FNDC1: variants seen among roughly 807,000 people sequenced by gnomAD.
FNDC1 encodes fibronectin type III domain-containing protein 1.
FNDC1 carries 96 observed loss-of-function variants against 168.0 expected under a neutral mutation model. That is an observed-to-expected ratio of 0.57 (90% CI 0.48 to 0.68). The LOEUF (loss-of-function observed/expected upper bound fraction) is 0.68. Among genes scored for constraint, FNDC1 ranks in the 30% least tolerant of loss-of-function variants. FNDC1 has a pLI of 0.00. For missense variants in FNDC1, 2,587 were observed against 2,482.1 expected, an observed-to-expected ratio of 1.04 and a Z score of -0.90; for synonymous variants, 1,099 against 1,025.9, an observed-to-expected ratio of 1.07 and a Z score of -1.36.
chr6:159,219,290 C>T (rs1782771767), intron 5 of FNDC1, among the ~76,000 whole-genome samples: 1 of 152,240 alleles, frequency 6.6e-6, no homozygotes, highest in South Asian at 2.1e-4. Context: ...ATCAACCCAC[C>T]TTGGCCTCCC....
In FNDC1 at chr6:159,233,022, T is replaced by C. The variant is rs1371486681; in HGVS notation, c.2510T>C (p.Ile837Thr). 4.3e-6 allele frequency: 7 copies of C among 1,612,654 alleles called. No homozygotes were observed. Among genetic ancestry groups the C allele is most frequent in the Non-Finnish European group, 5.1e-6 (6 of 1,179,520 alleles). Residue 837 changes from isoleucine (I) to threonine (T), a missense_variant, in exon 11 of 23, where the codon ATT becomes ACT. Transcript: ENST00000297267. The surrounding 1 kb of genome is among the most constrained non-coding windows in gnomAD (Gnocchi z 4.6). Reference protein sequence around the residue: ...ANGRSPSRFSIGRGPRLQPSS... With the variant: ...ANGRSPSRFSTGRGPRLQPSS... ...GGGAGGTCTCCAAGCAGGTTCAGCA[T>C]TGGGCGGGGACCTCGGCTGCAGCCC...
At chr6:159,176,192 A>T (rs187082405) in intron 1 of FNDC1, among the ~76,000 whole-genome samples, 2 of 152,308 alleles carry the variant, frequency 1.3e-5, no homozygotes, top group East Asian at 3.9e-4. Context: ...CTCATCAGCA[A>T]AGCAAGGGGA....
At position 159,225,199 on chromosome 6, in the gene FNDC1, AGT is replaced by A. The variant is rs1442336332; in HGVS notation, c.885-335_885-334del. Among the ~76,000 whole-genome samples, 6 of 108,416 alleles carry A rather than the reference AGT, an allele frequency of 5.5e-5. No individual in the cohort carries two copies. In the East Asian group the frequency reaches 2.1e-3, roughly 37 times the overall value. The allele number at this position is 108,416 out of a possible 152,430, so 71.1% of individuals were successfully genotyped here. A position where few individuals can be genotyped will look rare whatever the true frequency, so the allele number is the denominator to read the frequency against. On this transcript the variant is annotated intron_variant, in intron 7 of 22. Transcript: ENST00000297267. ...TACAGACACACACACACACACGCAC[AGT>A]CACACACACACAAACACATATCCCT...
chr6:159,228,610 G>A (rs757153437), intron 9 of FNDC1, among the ~76,000 whole-genome samples: 1 of 151,908 alleles, frequency 6.6e-6, no homozygotes, highest in East Asian at 1.9e-4. Flanking sequence ...GATCATCCAT[G>A]CTCCTGATAA....
intron 8 of FNDC1, among the ~76,000 whole-genome samples, chr6:159,226,059 G>T (rs1782950269): frequency 6.6e-6 from 1 of 152,190 alleles, no homozygotes; most frequent in South Asian, 2.1e-4. Context: ...TTGCATGTAG[G>T]AGAGCCTCTG....
chr6:159,232,749 A>T lies in FNDC1; in HGVS notation c.2237A>T (p.Asp746Val), dbSNP rs761377720. ...TCTCCACTTTCCAAGGGCGGGAAGG[A>T]TGGTGAGGACGCCCCAGCCACCAAC... ...LSSPLSKGGK[D>V]GEDAPATNSN... The change falls in exon 11 of 23, where the codon GAT (aspartate) becomes GTT (valine). Residue 746 changes from aspartate to valine, a missense_variant. Transcript: ENST00000297267. This position sits in a 1 kb window ranked among gnomAD's most constrained non-coding sequence, Gnocchi z 4.9. 6.2e-7 allele frequency: 1 copy of T among 1,613,688 alleles called. No homozygotes were observed. Among genetic ancestry groups the T allele is most frequent in the African/African-American group, 1.3e-5 (1 of 74,882 alleles).
intron 5 of FNDC1, among the ~76,000 whole-genome samples, chr6:159,219,710 GCAAAT>G (rs1435935825): frequency 6.6e-6 from 1 of 152,048 alleles, no homozygotes; most frequent in Non-Finnish European, 1.5e-5. Context: ...CAAGAGTGCA[GCAAAT>G]CAAGAAATCT....
At chr6:159,170,351 G>A (rs1197123232) in intron 1 of FNDC1, among the ~76,000 whole-genome samples, 1 of 152,224 alleles carries the variant, frequency 6.6e-6, no homozygotes, top group East Asian at 1.9e-4. Flanking sequence ...GCTGATTCCA[G>A]AGAAACTCGC....
chr6:159,184,858 GA>G (rs958819938), intron 1 of FNDC1, among the ~76,000 whole-genome samples: 1 of 152,058 alleles, frequency 6.6e-6, no homozygotes, highest in South Asian at 2.1e-4. Context: ...AAGAATGTGC[GA>G]AAAAATTCCA....
intron 11 of FNDC1, among the ~76,000 whole-genome samples, chr6:159,234,777 A>G (rs1333186481): frequency 1.3e-5 from 2 of 152,166 alleles, no homozygotes; most frequent in African/African-American, 4.8e-5. Context: ...ACTAACCCAC[A>G]TTGCCTCTAA....
At chr6:159,268,683 T>G (rs1777641193) in intron 22 of FNDC1, among the ~76,000 whole-genome samples, 1 of 150,720 alleles carries the variant, frequency 6.6e-6, no homozygotes, top group East Asian at 2.0e-4. Context: ...TCTATCCATC[T>G]ATCTATCCAT....
chr6:159,222,488 T>G (rs138875329), intron 6 of FNDC1, among the ~76,000 whole-genome samples: 186 of 152,188 alleles, frequency 1.2e-3, no homozygotes, highest in African/African-American at 4.2e-3. Context: ...ACACGGTCCC[T>G]GAAAAGTGAA....
intron 15 of FNDC1, among the ~76,000 whole-genome samples, chr6:159,247,480 G>T (rs934257368): frequency 3.9e-5 from 6 of 152,274 alleles, no homozygotes; most frequent in East Asian, 1.9e-4. Context: ...CGGCCGCAGT[G>T]GCTCAAGCCT....
At chr6:159,247,173 A>G (rs1442521683) in intron 15 of FNDC1, among the ~76,000 whole-genome samples, 1 of 152,174 alleles carries the variant, frequency 6.6e-6, no homozygotes, top group African/African-American at 2.4e-5. Flanking sequence ...TAAGAAAAAC[A>G]GTGTGCTTAA....
chr6:159,208,856 T>C lies in FNDC1; in HGVS notation c.461-6089T>C, dbSNP rs575134325. On this transcript the variant is annotated intron_variant, in intron 4 of 22. Transcript: ENST00000297267. ...AATGTTATTTTTAATTTTTTTTTTT[T>C]TTTTTTTTGAGACAGAGTCTCGCTC... Among the ~76,000 whole-genome samples the C allele has an allele frequency of 4.0e-5, 6 of 149,376 alleles. No individual in the cohort carries two copies. The East Asian group carries it at 1.2e-3, about 29-fold the overall frequency.
At chr6:159,254,839 C>T (rs1256796892) in intron 17 of FNDC1, among the ~76,000 whole-genome samples, 1 of 152,126 alleles carries the variant, frequency 6.6e-6, no homozygotes, top group Non-Finnish European at 1.5e-5. Flanking sequence ...AAGCCTGAAG[C>T]CTTAGAAGCA....
At position 159,233,465 on chromosome 6, in the gene FNDC1, C is replaced by T. The variant is rs532191873; in HGVS notation, c.2953C>T (p.Arg985Trp). 12 of 1,606,552 alleles carry T rather than the reference C, an allele frequency of 7.5e-6. No individual in the cohort carries two copies. The East Asian group carries it at 1.1e-4, about 15-fold the overall frequency. ...HASPARPPAA[R>W]SQQHPSVPRR... Reference sequence around the variant, plus strand: ...GTCCCCTGCTCGTCCGCCCGCAGCACGGTCACAGCAGCATCCCAGTGTTCC... The same window carrying T: ...GTCCCCTGCTCGTCCGCCCGCAGCATGGTCACAGCAGCATCCCAGTGTTCC... The change falls in exon 11 of 23, where the codon CGG becomes TGG. Residue 985 changes from arginine (R) to tryptophan (W), a missense_variant. Physicochemically the swap from Arg to Trp is moderately radical, Grantham distance 101. Transcript: ENST00000297267. This position sits in a 1 kb window ranked among gnomAD's most constrained non-coding sequence, Gnocchi z 4.6.
At chr6:159,180,457 C>CT (rs1278086498) in intron 1 of FNDC1, among the ~76,000 whole-genome samples, 5 of 152,098 alleles carry the variant, frequency 3.3e-5, no homozygotes, top group African/African-American at 9.7e-5. Flanking sequence ...GATTCCTTTT[C>CT]TTTTTTTAAT....
chr6:159,248,892 A>G, intron 15 of FNDC1, 147 bp from the exon 16 acceptor site: 3 of 636,704 alleles, frequency 4.7e-6, no homozygotes, highest in Non-Finnish European at 7.4e-6. Flanking sequence ...GTTTGGGCAT[A>G]GCATTTATTT....
Sources: allele counts gnomAD v4.1 joint callset (sites outside exome capture counted in the v4.1 genomes callset), GRCh38; gene constraint gnomAD v4.1.1; non-coding constraint Gnocchi (gnomAD v3.1); transcripts MANE v1.5; gene names NCBI Gene and HGNC (gene_info 2026-07-23, HGNC 2026-07-21).